The following SAMD3 variants were observed in gnomAD, a reference collection of about 807,000 sequenced individuals.
SAMD3 encodes the protein sterile alpha motif domain-containing protein 3.
Under a neutral mutation model 58.5 loss-of-function variants are expected in SAMD3, and 63 were observed. The observed-to-expected ratio is 1.08, with a 90% confidence interval of 0.88 to 1.33. The LOEUF (loss-of-function observed/expected upper bound fraction) is 1.33, where lower values mean the gene tolerates loss of function less well. SAMD3 is among the 40% of genes most tolerant of loss of function. The pLI is 0.00. For missense variants in SAMD3, 604 were observed against 608.4 expected, an observed-to-expected ratio of 0.99 and a Z score of 0.08; for synonymous variants, 220 against 210.3, an observed-to-expected ratio of 1.05 and a Z score of -0.40.
chr6:130,316,093 C>T (rs1158601220), intron 1 of SAMD3, among the ~76,000 whole-genome samples: 5 of 152,114 alleles, frequency 3.3e-5, no homozygotes, highest in Non-Finnish European at 7.4e-5. Context: ...GAGTTCGAGA[C>T]CAGCCTGGCC....
At chr6:130,299,016 G>A (rs1451076161) in intron 2 of SAMD3, among the ~76,000 whole-genome samples, 2 of 152,144 alleles carry the variant, frequency 1.3e-5, no homozygotes, top group African/African-American at 2.4e-5. Context: ...AACAGTGGGT[G>A]ACTTCAACAC....
chr6:130,183,746 C>CAG (rs1792639173), intron 7 of SAMD3, among the ~76,000 whole-genome samples: 1 of 151,842 alleles, frequency 6.6e-6, no homozygotes, highest in South Asian at 2.1e-4. Context: ...AACATGATGA[C>CAG]AGAGAGAGAC....
chr6:130,203,559 T>C (rs2114796986), intron 5 of SAMD3, among the ~76,000 whole-genome samples: 1 of 152,344 alleles, frequency 6.6e-6, no homozygotes, highest in South Asian at 2.1e-4. Flanking sequence ...ACATTGCATC[T>C]CACCCCCATG....
At chr6:130,214,631 G>A in intron 3 of SAMD3, 105 bp from the exon 4 acceptor site, 2 of 694,380 alleles carry the variant, frequency 2.9e-6, no homozygotes, top group Middle Eastern at 3.6e-4. Flanking sequence ...ATCTAAACTT[G>A]TCCCCTGACA....
chr6:130,203,877 C>T (rs1039461868), intron 5 of SAMD3, among the ~76,000 whole-genome samples: 3 of 152,196 alleles, frequency 2.0e-5, no homozygotes, highest in Admixed American at 1.3e-4. Context: ...CTTTATTACA[C>T]ACTGGTATTG....
At chr6:130,353,407 T>A (rs1290630382) in intron 1 of SAMD3, among the ~76,000 whole-genome samples, 1 of 152,206 alleles carries the variant, frequency 6.6e-6, no homozygotes, top group Non-Finnish European at 1.5e-5. Context: ...TTGTTTTATT[T>A]ATTTAGGTTA....
chr6:130,247,487 A>G (rs1253392169), intron 2 of SAMD3, among the ~76,000 whole-genome samples: 1 of 151,924 alleles, frequency 6.6e-6, no homozygotes, highest in Non-Finnish European at 1.5e-5. Flanking sequence ...AAAAAGGAAA[A>G]TGTTCCCACT....
At chr6:130,166,405 G>A (rs982589180) in intron 8 of SAMD3, among the ~76,000 whole-genome samples, 3 of 152,258 alleles carry the variant, frequency 2.0e-5, no homozygotes, top group South Asian at 2.1e-4. Context: ...GTTAAATAGA[G>A]ATCTCCACGT....
intron 2 of SAMD3, among the ~76,000 whole-genome samples, chr6:130,255,655 T>G (rs897497711): frequency 6.6e-6 from 1 of 152,150 alleles, no homozygotes; most frequent in African/African-American, 2.4e-5. Flanking sequence ...TTCTATTTTT[T>G]TAAATATTCT....
chr6:130,357,119 T>C (rs1362690813), intron 1 of SAMD3, among the ~76,000 whole-genome samples: 1 of 68,304 alleles, frequency 1.5e-5, no homozygotes, highest in Admixed American at 1.9e-4. Context: ...CCATGGCATC[T>C]TTTTTTTTTT....
intron 2 of SAMD3, among the ~76,000 whole-genome samples, chr6:130,298,108 G>C (rs1044598479): frequency 6.6e-6 from 1 of 152,084 alleles, no homozygotes; most frequent in Non-Finnish European, 1.5e-5. Flanking sequence ...ATGTGAAGGG[G>C]AAAAATCTTA....
At position 130,261,592 on chromosome 6, in the gene SAMD3, G is replaced by C. The variant is rs541211442; in HGVS notation, c.-187-38779C>G. Among the ~76,000 whole-genome samples, 3 of 152,300 alleles carry C rather than the reference G, an allele frequency of 2.0e-5. No individual in the cohort carries two copies. In the South Asian group the frequency reaches 6.2e-4, roughly 32 times the overall value. ...ACCCATTCTTTGTTTTGTGGTGTGT[G>C]TGTGGTGTGAGCGTGGTGTTTTGTC... On this transcript the variant is annotated intron_variant, in intron 2 of 13. Transcript: ENST00000368134.
intron 7 of SAMD3, chr6:130,176,227 A>G (rs755264728): frequency 1.9e-5 from 11 of 591,634 alleles, no homozygotes; most frequent in Non-Finnish European, 3.0e-5. Flanking sequence ...AGGTAAGCAG[A>G]CAAAGTCACA....
chr6:130,177,967 G>A (rs879812944), intron 7 of SAMD3, among the ~76,000 whole-genome samples: 15 of 151,632 alleles, frequency 9.9e-5, no homozygotes, highest in African/African-American at 3.7e-4. Flanking sequence ...TGCATGAGTG[G>A]TGGCTCAACC....
intron 2 of SAMD3, among the ~76,000 whole-genome samples, chr6:130,266,964 C>T (rs973306016): frequency 6.6e-6 from 1 of 152,182 alleles, no homozygotes. Flanking sequence ...TTGTTGCAAG[C>T]TGTTTTAGAA....
chr6:130,308,358 C>CTATTT (rs1775984465), intron 2 of SAMD3, among the ~76,000 whole-genome samples: 2 of 25,304 alleles, frequency 7.9e-5, no homozygotes, highest in African/African-American at 2.7e-4. Context: ...GAATTCTATT[C>CTATTT]TATTCTATTC....
intron 7 of SAMD3, 76 bp from the exon 8 acceptor site, chr6:130,176,084 A>G (rs1582799175): frequency 9.2e-7 from 1 of 1,087,192 alleles, no homozygotes; most frequent in Non-Finnish European, 1.4e-6. Flanking sequence ...CTATACAACA[A>G]CAATACATAC....
At chr6:130,213,156 G>A (rs1795712954) in intron 4 of SAMD3, among the ~76,000 whole-genome samples, 1 of 152,042 alleles carries the variant, frequency 6.6e-6, no homozygotes, top group Non-Finnish European at 1.5e-5. Context: ...AAATTAGCCA[G>A]TCATGGTGTT....
At position 130,174,220 on chromosome 6, in the gene SAMD3, G is replaced by T. The variant is rs117840866; in HGVS notation, c.822+1621C>A. On this transcript the variant is annotated intron_variant, in intron 8 of 11. Coordinates refer to ENST00000439090, the MANE Select transcript of SAMD3 (RefSeq NM_001017373.4). Reference sequence around the variant, plus strand: ...TCACTGGGGTTCAGGCGCCACTGGGGTATGAAAAAATAGTCCTGCAGCTAG... The same window carrying T: ...TCACTGGGGTTCAGGCGCCACTGGGTTATGAAAAAATAGTCCTGCAGCTAG... 9.2e-4 allele frequency among the ~76,000 whole-genome samples: 140 copies of T among 152,256 alleles called. 1 individual carries two copies. In the East Asian group the frequency reaches 0.024, roughly 26 times the overall value.
Sources: allele counts gnomAD v4.1 joint callset (sites outside exome capture counted in the v4.1 genomes callset), GRCh38; gene constraint gnomAD v4.1.1; transcripts MANE v1.5; gene names NCBI Gene and HGNC (gene_info 2026-07-23, HGNC 2026-07-21).